EFL1: variants seen among roughly 807,000 people sequenced by gnomAD.
The protein encoded by EFL1 is elongation factor-like GTPase 1.
A neutral mutation model predicts 126.7 loss-of-function variants in EFL1; 76 were observed. The ratio of observed to expected loss-of-function variants is 0.60; its 90% CI spans 0.50 to 0.73. The LOEUF (loss-of-function observed/expected upper bound fraction) is 0.73, where lower values mean the gene tolerates loss of function less well. EFL1 is among the 30% of genes least tolerant of loss of function. The pLI, the probability that EFL1 is intolerant of heterozygous loss-of-function variation, is 0.00. For missense variants in EFL1, 1,128 were observed against 1,343.2 expected, an observed-to-expected ratio of 0.84 and a Z score of 2.50; for synonymous variants, 410 against 448.4, an observed-to-expected ratio of 0.91 and a Z score of 1.08.
chr15:82,204,345 T>C (rs1304759465), intron 15 of EFL1, among the ~76,000 whole-genome samples: 1 of 151,916 alleles, frequency 6.6e-6, no homozygotes, highest in African/African-American at 2.4e-5. Context: ...TCCCCCAAGC[T>C]ATCTTCATAG....
At chr15:82,149,312 C>A (rs943989359) in intron 18 of EFL1, among the ~76,000 whole-genome samples, 3 of 151,896 alleles carry the variant, frequency 2.0e-5, no homozygotes, top group Non-Finnish European at 2.9e-5. Context: ...GGAGTTCATA[C>A]AACTACATGA....
At chr15:82,142,507 G>C (rs2073800394) in intron 18 of EFL1, among the ~76,000 whole-genome samples, 1 of 151,944 alleles carries the variant, frequency 6.6e-6, no homozygotes, top group Non-Finnish European at 1.5e-5. Flanking sequence ...GATGGAGGCA[G>C]GAAGGAATTG....
chr15:82,211,573 C>CTAG (rs1317171706), intron 15 of EFL1, among the ~76,000 whole-genome samples: 9 of 128,630 alleles, frequency 7.0e-5, no homozygotes, highest in African/African-American at 1.3e-4. Flanking sequence ...CACACACACA[C>CTAG]ACACACACTA....
intron 19 of EFL1, among the ~76,000 whole-genome samples, chr15:82,133,367 T>C (rs1221675573): frequency 6.6e-6 from 1 of 152,216 alleles, no homozygotes; most frequent in African/African-American, 2.4e-5. Flanking sequence ...ATGAAAGTCA[T>C]ATGGTAAAGC....
intron 11 of EFL1, among the ~76,000 whole-genome samples, chr15:82,225,858 C>G (rs2074757724): frequency 6.6e-6 from 1 of 152,056 alleles, no homozygotes; most frequent in South Asian, 2.1e-4. Flanking sequence ...TTTCCTTAAC[C>G]TATACTGGAG....
chr15:82,208,978 CACAT>C (rs987368174), intron 15 of EFL1, among the ~76,000 whole-genome samples: 2 of 151,806 alleles, frequency 1.3e-5, no homozygotes, highest in African/African-American at 4.8e-5. Context: ...AGAAATATGA[CACAT>C]AACTACTAGG....
chr15:82,160,333 T>C (rs1314058375), intron 16 of EFL1, among the ~76,000 whole-genome samples: 2 of 152,206 alleles, frequency 1.3e-5, no homozygotes, highest in Non-Finnish European at 2.9e-5. Context: ...TGACTACCAC[T>C]ACTTGAGAGA....
rs764747178 is a variant in EFL1, at chr15:82,151,518, C to A, written c.2936G>T (p.Arg979Leu). 1.2e-6 allele frequency: 2 copies of A among 1,613,872 alleles called. No individual in the cohort carries two copies. Among genetic ancestry groups the A allele is most frequent in the African/African-American group, 2.7e-5 (2 of 74,888 alleles). The stretch of plus-strand genomic sequence containing the variant: ...ACATGTGTACATAGCTGCCATCAGG[C>A]GCTGAGGTTTCACTTGCAGTGCATA... ...CRYALQVKPQ[R>L]LMAAMYTCDI... Residue 979 changes from arginine (R) to leucine (L), a missense_variant, in exon 18 of 20, where the codon CGC becomes CTC. Arg to Leu is a moderately radical substitution (Grantham distance 102). Coordinates refer to ENST00000268206, the MANE Select transcript of EFL1 (RefSeq NM_024580.6).
Position 82,130,308 on chromosome 15 carries a change from A to G in EFL1, c.*65T>C. 1 of 1,536,734 alleles carries G rather than the reference A, an allele frequency of 6.5e-7. No individual in the cohort carries two copies. Among genetic ancestry groups the G allele is most frequent in the South Asian group, 1.3e-5 (1 of 79,154 alleles). ...AATGTGGCAAAAAGAAATTTTCCCA[A>G]TATTAAACCCTTGATGATACTTTTA... is the stretch of plus-strand genomic sequence containing the variant. On this transcript the variant is annotated 3_prime_UTR_variant, in exon 20 of 20. Transcript: ENST00000268206.
chr15:82,227,211 T>G (rs2074772857), intron 11 of EFL1, among the ~76,000 whole-genome samples: 1 of 152,216 alleles, frequency 6.6e-6, no homozygotes. Flanking sequence ...GGAGCATGTG[T>G]ACAAGTCGCT....
chr15:82,214,408 T>C (rs1469985470), intron 15 of EFL1, among the ~76,000 whole-genome samples: 1 of 152,238 alleles, frequency 6.6e-6, no homozygotes, highest in Non-Finnish European at 1.5e-5. Flanking sequence ...AATGCCTTAG[T>C]CATCTAGATT....
At chr15:82,141,799 G>A (rs372129546) in intron 18 of EFL1, among the ~76,000 whole-genome samples, 1 of 152,060 alleles carries the variant, frequency 6.6e-6, no homozygotes, top group Non-Finnish European at 1.5e-5. Flanking sequence ...AACAGACCAC[G>A]AATAAGGGGC....
At chr15:82,192,933 T>C (rs1163043912) in intron 15 of EFL1, among the ~76,000 whole-genome samples, 1 of 152,184 alleles carries the variant, frequency 6.6e-6, no homozygotes, top group African/African-American at 2.4e-5. Context: ...TATGGAAGGC[T>C]ATAAGGTGAT....
At chr15:82,236,771 GTTC>G (rs2074876850) in intron 7 of EFL1, among the ~76,000 whole-genome samples, 1 of 152,162 alleles carries the variant, frequency 6.6e-6, no homozygotes, top group Non-Finnish European at 1.5e-5. Context: ...TAGGCAAAGA[GTTC>G]TTCAACTTGA....
At chr15:82,152,564 T>C (rs527814496) in intron 17 of EFL1, 141 bp from the exon 18 acceptor site, 1 of 768,586 alleles carries the variant, frequency 1.3e-6, no homozygotes, top group Admixed American at 3.3e-5. Flanking sequence ...ATCTGCAATT[T>C]ACATTATATA....
In EFL1 at chr15:82,241,244, A is replaced by G. The variant is rs535716198; in HGVS notation, c.378+26T>C. 17 of 1,612,964 alleles carry G rather than the reference A, an allele frequency of 1.1e-5. No individual in the cohort carries two copies. In the African/African-American group the frequency reaches 2.1e-4, roughly 20 times the overall value. The stretch of plus-strand genomic sequence containing the variant: ...CTCTTTCCTCACCCTTAACCATTTA[A>G]GTATTTTCTCATCACAATCCATTAC... On this transcript the variant is annotated intron_variant, in intron 5 of 19. Coordinates refer to ENST00000268206, the MANE Select transcript of EFL1 (RefSeq NM_024580.6).
At chr15:82,153,292 T>C (rs1489540745) in intron 17 of EFL1, among the ~76,000 whole-genome samples, 2 of 152,198 alleles carry the variant, frequency 1.3e-5, no homozygotes, top group Non-Finnish European at 2.9e-5. Context: ...ATTCACAGGA[T>C]ATACAACAAG....
At chr15:82,234,349 G>A (rs993871182) in intron 7 of EFL1, among the ~76,000 whole-genome samples, 5 of 152,120 alleles carry the variant, frequency 3.3e-5, no homozygotes, top group Non-Finnish European at 5.9e-5. Context: ...CAATATTCTT[G>A]TTTTTTCAGA....
chr15:82,145,554 G>A (rs1252702367), intron 18 of EFL1, among the ~76,000 whole-genome samples: 1 of 150,832 alleles, frequency 6.6e-6, no homozygotes, highest in African/African-American at 2.4e-5. Context: ...TAACGAGGCT[G>A]GGCACGGTGG....
Sources: allele counts gnomAD v4.1 joint callset (sites outside exome capture counted in the v4.1 genomes callset), GRCh38; gene constraint gnomAD v4.1.1; transcripts MANE v1.5; gene names NCBI Gene and HGNC (gene_info 2026-07-23, HGNC 2026-07-21).